RPSA: variants seen among roughly 807,000 people sequenced by gnomAD.
RPSA encodes the protein ribosomal protein SA, also known as small ribosomal subunit protein uS2.
For missense variants in RPSA, 140 were observed against 372.8 expected (o/e 0.38, Z 5.14); for synonymous variants, 103 against 126.7 (o/e 0.81, Z 1.25).
chr3:39,406,982 G>A (rs983597496), intron 1 of RPSA: 2 of 451,648 alleles, frequency 4.4e-6, no homozygotes, highest in South Asian at 3.1e-5. Context: ...GCCCTCCAGC[G>A]GAGGCTCCGA....
chr3:39,409,327 G>A (rs993393287), intron 3 of RPSA, among the ~76,000 whole-genome samples: 5 of 151,236 alleles, frequency 3.3e-5, no homozygotes, highest in South Asian at 2.1e-4. Flanking sequence ...TCATCCTCCC[G>A]AGTAGCTGGA....
chr3:39,407,123 G>T (rs1451007952), intron 1 of RPSA: 1 of 394,474 alleles, frequency 2.5e-6, no homozygotes, highest in East Asian at 7.5e-5. Context: ...CAGCTACTTG[G>T]GCTGGTCGGG....
chr3:39,408,790 A>G (rs2041958637), intron 3 of RPSA, 66 bp downstream of exon 3: 2 of 954,424 alleles, frequency 2.1e-6, no homozygotes, highest in Non-Finnish European at 3.5e-6. Context: ...TGAGACATAG[A>G]AAGACATAAG....
In RPSA at chr3:39,410,782, C is replaced by T. The variant is rs1398270817; in HGVS notation, c.281C>T (p.Thr94Ile). 20 of 1,613,490 alleles carry T rather than the reference C, an allele frequency of 1.2e-5. No homozygotes were observed. The highest frequency in any genetic ancestry group is 4.0e-5 in the African/African-American group (3 of 75,050). Residue 94 changes from threonine (T) to isoleucine (I), a missense_variant, in exon 4 of 7, where the codon ACT (threonine) becomes ATT (isoleucine). Transcript: ENST00000301821. ...QRAVLKFAAA[T>I]GATPIAGRFT... ...GCTGTGCTGAAGTTTGCTGCTGCCA[C>T]TGGAGCCACTCCAATTGCTGGCCGC...
At chr3:39,408,128 G>A in intron 2 of RPSA, 1 of 371,170 alleles carries the variant, frequency 2.7e-6, no homozygotes, top group African/African-American at 2.1e-5. Context: ...GGGGTAAGAG[G>A]TGGGAATGAA....
intron 3 of RPSA, 134 bp from the exon 4 acceptor site, chr3:39,410,620 A>T: frequency 1.0e-6 from 1 of 1,004,184 alleles, no homozygotes; most frequent in Non-Finnish European, 1.6e-6. Context: ...AAGAGAGGTT[A>T]AGGAAAGCTG....
At chr3:39,412,134 T>C in intron 6 of RPSA, 73 bp downstream of exon 6, 1 of 1,461,218 alleles carries the variant, frequency 6.8e-7, no homozygotes, top group Admixed American at 1.7e-5. Context: ...TTTAATGATC[T>C]CTGTGACTTT....
chr3:39,411,046 A>G (rs745910643), intron 4 of RPSA, 47 bp downstream of exon 4: 3 of 1,594,582 alleles, frequency 1.9e-6, no homozygotes, highest in Non-Finnish European at 2.6e-6. Context: ...CTCTAGAAAA[A>G]ACATTCCTGT....
intron 1 of RPSA, chr3:39,407,220 A>G (rs113019794): frequency 2.6e-5 from 9 of 343,902 alleles, no homozygotes; most frequent in African/African-American, 1.5e-4. Context: ...AGTAATTCCA[A>G]AGCATCCGCC....
At position 39,411,970 on chromosome 3, in the gene RPSA, C is replaced by T. The variant is rs750757431; in HGVS notation, c.702C>T (p.Pro234=). ...KEEFQGEWTA[P]APEFTATQPE... ...AATTTCAGGGTGAATGGACTGCTCC[C>T]GCTCCTGAGTTCACTGCTACTCAGC... The change falls in exon 6 of 7, where the codon CCC becomes CCT. Residue 234 remains proline (P), a synonymous_variant. Transcript: ENST00000301821. The T allele has an allele frequency of 7.0e-5, 112 of 1,601,280 alleles. No homozygotes were observed. The highest frequency in any genetic ancestry group is 8.8e-5 in the Non-Finnish European group (104 of 1,179,908).
At chr3:39,408,427 G>C in intron 2 of RPSA, 179 bp from the exon 3 acceptor site, 1 of 768,056 alleles carries the variant, frequency 1.3e-6, no homozygotes, top group Middle Eastern at 2.3e-4. Flanking sequence ...GGCCAGTCTT[G>C]GCTCATGAAC....
intron 5 of RPSA, 27 bp downstream of exon 5, chr3:39,411,804 A>G: frequency 6.3e-7 from 1 of 1,599,658 alleles, no homozygotes; most frequent in Non-Finnish European, 8.5e-7. Context: ...GCTTGTGGTT[A>G]CATAAGCAAA....
Position 39,408,674 on chromosome 3 carries a change from A to T in RPSA, c.202A>T (p.Ile68Phe). The T allele has an allele frequency of 1.2e-6, 2 of 1,613,500 alleles. No homozygotes were observed. Among genetic ancestry groups the T allele is most frequent in the Non-Finnish European group, 1.7e-6 (2 of 1,179,402 alleles). The change falls in exon 3 of 7, where the codon ATT (isoleucine) becomes TTT (phenylalanine). Residue 68 changes from isoleucine to phenylalanine, a missense_variant. Physicochemically the swap from Ile to Phe is conservative, Grantham distance 21 (BLOSUM62 0). Transcript: ENST00000301821. Reference protein sequence around the residue: ...LLLAARAIVAIENPADVSVIS... With the variant: ...LLLAARAIVAFENPADVSVIS... ...GCTGGCAGCTCGTGCAATTGTTGCCATTGAAAACCCTGCTGATGTCAGTGT... is the reference window on the plus strand; with the variant it reads ...GCTGGCAGCTCGTGCAATTGTTGCCTTTGAAAACCCTGCTGATGTCAGTGT...
chr3:39,410,575 C>CT (rs2041991844), intron 3 of RPSA, 179 bp from the exon 4 acceptor site: 1 of 689,540 alleles, frequency 1.5e-6, no homozygotes, highest in South Asian at 1.8e-5. Context: ...ACAAGCCTGT[C>CT]TTTTTTAATG....
chr3:39,407,491 C>T (rs2041936590), intron 1 of RPSA, 130 bp from the exon 2 acceptor site: 2 of 749,498 alleles, frequency 2.7e-6, no homozygotes, highest in Admixed American at 1.8e-5. Flanking sequence ...GGTTAACTTT[C>T]TGTTTACCCT....
Position 39,412,312 on chromosome 3 carries a change from G to A in RPSA, c.832G>A (p.Ala278Thr), listed in dbSNP as rs143085301. ...TCAGCCTGCCACGGAAGACTGGTCTGCAGCTCCCACTGCTCAGGCCACTGA... is the reference window on the plus strand; with the variant it reads ...TCAGCCTGCCACGGAAGACTGGTCTACAGCTCCCACTGCTCAGGCCACTGA... The part of the protein sequence containing the change: ...SAQPATEDWS[A>T]APTAQATEWV... The change falls in exon 7 of 7, where the codon GCA becomes ACA. Residue 278 changes from alanine (A) to threonine (T), a missense_variant. By Grantham distance (58) the Ala-to-Thr change is moderately conservative. Coordinates refer to ENST00000301821, the MANE Select transcript of RPSA (RefSeq NM_002295.6). The A allele has an allele frequency of 5.6e-6, 9 of 1,610,550 alleles. No homozygotes were observed. In the African/African-American group the frequency reaches 9.4e-5, roughly 17 times the overall value.
chr3:39,407,192 G>C (rs2041931733), intron 1 of RPSA: 2 of 349,664 alleles, frequency 5.7e-6, no homozygotes, highest in East Asian at 1.6e-4. Flanking sequence ...AGACAAACAA[G>C]TGGTGACAGC....
chr3:39,407,875 T>G, intron 2 of RPSA, 89 bp downstream of exon 2: 1 of 1,012,650 alleles, frequency 9.9e-7, no homozygotes, highest in Non-Finnish European at 1.5e-6. Flanking sequence ...GGTAATTTCT[T>G]TCTATCTTCC....
At chr3:39,411,603 G>A (rs200128969) in intron 4 of RPSA, 46 bp from the exon 5 acceptor site, 1 of 1,606,016 alleles carries the variant, frequency 6.2e-7, no homozygotes, top group Non-Finnish European at 8.5e-7. Flanking sequence ...CTTGCTGTTT[G>A]GGTTTGACCA....
Sources: gnomAD v4.1 joint callset for allele counts (sites outside exome capture counted in the v4.1 genomes callset) on GRCh38, gnomAD v4.1.1 for gene constraint, MANE v1.5 for transcripts, NCBI Gene and HGNC (gene_info 2026-07-23, HGNC 2026-07-21) for gene names.